Variants in NUDCD2 observed in about 807,000 individuals in gnomAD.
NUDCD2 encodes the protein NudC domain containing 2.
Under a neutral mutation model 20.8 loss-of-function variants are expected in NUDCD2, and 16 were observed. The observed-to-expected ratio is 0.77, with a 90% CI of 0.52 to 1.17. NUDCD2 has a LOEUF of 1.17. Among genes scored for constraint, NUDCD2 ranks in the 50% most tolerant of loss-of-function variants. The pLI, the probability that NUDCD2 is intolerant of heterozygous loss-of-function variation, is 0.00. For synonymous variants in NUDCD2, 87 were observed against 72.8 expected, an observed-to-expected ratio of 1.20 and a Z score of -1.00; for missense variants, 199 against 193.9, an observed-to-expected ratio of 1.03 and a Z score of -0.16.
At chr5:163,458,518 G>T (rs2113430844) in intron 1 of NUDCD2, among the ~76,000 whole-genome samples, 1 of 152,146 alleles carries the variant, frequency 6.6e-6, no homozygotes, top group Admixed American at 6.5e-5. Context: ...TTGACCCCAT[G>T]GGTTTGAGGC....
Position 163,460,000 on chromosome 5 carries a change from C to T in NUDCD2, c.51G>A (p.Pro17=). The T allele has an allele frequency of 2.5e-6, 4 of 1,612,986 alleles. No individual in the cohort carries two copies. Among genetic ancestry groups the T allele is most frequent in the Non-Finnish European group, 3.4e-6 (4 of 1,179,532 alleles). The part of the protein sequence containing the change: ...ERSGVVPCGT[P]WGQWYQTLEE... ...CCAAGGTCTGGTACCACTGGCCCCA[C>T]GGGGTCCCGCACGGTACCACCCCAC... is the stretch of plus-strand genomic sequence containing the variant. The change falls in exon 1 of 4, where the codon CCG becomes CCA. Residue 17 remains proline, a synonymous_variant. Transcript: ENST00000302764.
At chr5:163,455,749 AAAAG>A (rs1758290414) in intron 3 of NUDCD2, among the ~76,000 whole-genome samples, 1 of 152,092 alleles carries the variant, frequency 6.6e-6, no homozygotes, top group African/African-American at 2.4e-5. Context: ...AAAAAAAAAA[AAAAG>A]AACTGCTCTA....
rs1758275424 is a variant in NUDCD2 at position 163,455,351 on chromosome 5, A to C, written c.391-1301T>G. Among the ~76,000 whole-genome samples the C allele has an allele frequency of 5.9e-5, 9 of 152,340 alleles. No homozygotes were observed. The South Asian group carries it at 1.9e-3, about 32-fold the overall frequency. ...GTATGGCAAAAGCAGAATCACTAAG[A>C]GGGATAGCTGTAAGGGAGGAGGTAA... On this transcript the variant is annotated intron_variant, in intron 3 of 3. Coordinates refer to ENST00000302764, the MANE Select transcript of NUDCD2 (RefSeq NM_145266.6).
At position 163,460,096 on chromosome 5, in the gene NUDCD2, C is replaced by G. The variant is rs756069521; in HGVS notation, c.-46G>C. Reference sequence around the variant, plus strand: ...CGGCCGCACCAGGCGGAGCCGAGCGCACGCGCGGAATCCCACGCTTAGGCT... The same window carrying G: ...CGGCCGCACCAGGCGGAGCCGAGCGGACGCGCGGAATCCCACGCTTAGGCT... On this transcript the variant is annotated 5_prime_UTR_variant, in exon 1 of 4. Transcript: ENST00000302764. The G allele has an allele frequency of 4.0e-6, 6 of 1,493,862 alleles. No homozygotes were observed. Among genetic ancestry groups the G allele is most frequent in the Non-Finnish European group, 5.4e-6 (6 of 1,120,200 alleles). 92.5% of individuals were successfully genotyped at this position (1,493,862 alleles called of 1,614,324 possible).
rs939933442 is a variant in NUDCD2 at position 163,452,132 on chromosome 5, A to C, written c.*1835T>G. On this transcript the variant is annotated 3_prime_UTR_variant, in exon 4 of 4. Coordinates refer to ENST00000302764, the MANE Select transcript of NUDCD2 (RefSeq NM_145266.6). ...CTGAAAACGGTTATAAATGTGGAGA[A>C]GGAAAAAATGAAAATGAAGCCCATG... The C allele has an allele frequency of 3.3e-5, 5 of 152,150 alleles. No individual in the cohort carries two copies. The highest frequency in any genetic ancestry group is 7.4e-5 in the Non-Finnish European group (5 of 68,018). 9.4% of individuals were successfully genotyped at this position (152,150 alleles called of 1,614,324 possible).
Position 163,449,895 on chromosome 5 carries a change from C to T in NUDCD2, c.*4072G>A, listed in dbSNP as rs1015666082. The stretch of plus-strand genomic sequence containing the variant: ...ACCTACCTAAATTTCACAGCTTATA[C>T]AAAAATTAACCTAAAATGGATCACG... On this transcript the variant is annotated 3_prime_UTR_variant, in exon 4 of 4. Transcript: ENST00000302764. 6.6e-5 allele frequency: 10 copies of T among 152,084 alleles called. No homozygotes were observed. The highest frequency in any genetic ancestry group is 2.4e-4 in the African/African-American group (10 of 41,404). 9.4% of individuals were successfully genotyped at this position (152,084 alleles called of 1,614,324 possible).
At chr5:163,457,151 T>G in intron 2 of NUDCD2, 71 bp from the exon 3 acceptor site, 2 of 1,472,404 alleles carry the variant, frequency 1.4e-6, no homozygotes, top group Non-Finnish European at 1.8e-6. Flanking sequence ...TTTTTTTTTT[T>G]TTGAGACAGT....
chr5:163,450,775 T>C lies in NUDCD2; in HGVS notation c.*3192A>G, dbSNP rs1758158360. ...ATGACAGCTCCTCAAATGATTAACATAGTTATCATATAACCTAAAAATTCT... is the reference window on the plus strand; with the variant it reads ...ATGACAGCTCCTCAAATGATTAACACAGTTATCATATAACCTAAAAATTCT... On this transcript the variant is annotated 3_prime_UTR_variant, in exon 4 of 4. Transcript: ENST00000302764. 6.6e-6 allele frequency: 1 copy of C among 152,240 alleles called. No individual in the cohort carries two copies. The highest frequency in any genetic ancestry group is 1.5e-5 in the Non-Finnish European group (1 of 68,032). The allele number at this position is 152,240 out of a possible 1,614,324, so 9.4% of individuals were successfully genotyped here.
rs372744392 is a variant in NUDCD2 at position 163,457,661 on chromosome 5, A to G, written c.190-51T>C. On this transcript the variant is annotated intron_variant, in intron 1 of 3. Coordinates refer to ENST00000302764, the MANE Select transcript of NUDCD2 (RefSeq NM_145266.6). ...AAAAATACAGAATTTAATTTTTATA[A>G]AGTTTTCATGATTAAGATTTACCTA... 34 of 1,166,864 alleles carry G rather than the reference A, an allele frequency of 2.9e-5. No individual in the cohort carries two copies. In the African/African-American group the frequency reaches 4.9e-4, roughly 17 times the overall value. 72.3% of individuals were successfully genotyped at this position (1,166,864 alleles called of 1,614,324 possible). A position where few individuals can be genotyped will look rare whatever the true frequency, so the allele number is the denominator to read the frequency against.
In NUDCD2 at chr5:163,453,646, C is replaced by T; in HGVS notation, c.*321G>A. On this transcript the variant is annotated 3_prime_UTR_variant, in exon 4 of 4. Transcript: ENST00000302764. ...AAAGTTAATTTTCCCCAAAGGCACC[C>T]TTCATTTCACATGATCTATACTCTA... 1 of 175,346 alleles carries T rather than the reference C, an allele frequency of 5.7e-6. No individual in the cohort carries two copies. 10.9% of individuals were successfully genotyped at this position (175,346 alleles called of 1,614,324 possible).
intron 2 of NUDCD2, 58 bp downstream of exon 2, chr5:163,457,504 G>C (rs1758353381): frequency 9.9e-7 from 1 of 1,010,902 alleles, no homozygotes; most frequent in East Asian, 2.4e-5. Flanking sequence ...ATACAAAAGA[G>C]GAAAAGATAT....
intron 3 of NUDCD2, among the ~76,000 whole-genome samples, chr5:163,454,336 TTTTA>T (rs1360936909): frequency 6.6e-6 from 1 of 152,140 alleles, no homozygotes; most frequent in Non-Finnish European, 1.5e-5. Flanking sequence ...AGCATTTTTA[TTTTA>T]TTTATTATTA....
At position 163,453,109 on chromosome 5, in the gene NUDCD2, A is replaced by G. The variant is rs371869631; in HGVS notation, c.*858T>C. 3 of 152,256 alleles carry G rather than the reference A, an allele frequency of 2.0e-5. No individual in the cohort carries two copies. Among genetic ancestry groups the G allele is most frequent in the Admixed American group, 2.0e-4 (3 of 15,286 alleles). The allele number at this position is 152,256 out of a possible 1,614,324, so 9.4% of individuals were successfully genotyped here. A position where few individuals can be genotyped will look rare whatever the true frequency, so the allele number is the denominator to read the frequency against. On this transcript the variant is annotated 3_prime_UTR_variant, in exon 4 of 4. Transcript: ENST00000302764. Reference sequence around the variant, plus strand: ...GTAATGAGGAATCATGTCTTCAACTAAATCACAAATGGTTCAGAAAGAAAA... The same window carrying G: ...GTAATGAGGAATCATGTCTTCAACTGAATCACAAATGGTTCAGAAAGAAAA...
intron 3 of NUDCD2, 109 bp downstream of exon 3, chr5:163,456,820 G>T: frequency 2.3e-6 from 2 of 884,742 alleles, no homozygotes; most frequent in Non-Finnish European, 3.1e-6. Flanking sequence ...AATTCTTCTA[G>T]AAAATGTTTG....
chr5:163,458,895 AAT>A (rs1478007415), intron 1 of NUDCD2: 30 of 152,364 alleles, frequency 2.0e-4, no homozygotes, highest in African/African-American at 7.0e-4. Flanking sequence ...AAGCTGACAT[AAT>A]GTCTTTCACA....
intron 2 of NUDCD2, 56 bp downstream of exon 2, chr5:163,457,505 GA>G: frequency 9.8e-7 from 1 of 1,024,920 alleles, no homozygotes. Context: ...TACAAAAGAG[GA>G]AAAGATATCA....
In NUDCD2 at chr5:163,456,993, G is replaced by A. The variant is rs368381995; in HGVS notation, c.326C>T (p.Ala109Val). Residue 109 changes from alanine (A) to valine (V), a missense_variant, in exon 3 of 4, where the codon GCA becomes GTA. Physicochemically the swap from Ala to Val is moderately conservative, Grantham distance 64 (BLOSUM62 0). Coordinates refer to ENST00000302764, the MANE Select transcript of NUDCD2 (RefSeq NM_145266.6). ...CWTSLLESEY[A>V]ADPWVQDQMQ... ...TTGGTCTTGCACCCAAGGATCCGCT[G>A]CATATTCAGATTCTAGTAGAGAAGT... The A allele has an allele frequency of 3.1e-6, 5 of 1,612,942 alleles. No homozygotes were observed. The African/African-American group carries it at 6.7e-5, about 22-fold the overall frequency.
chr5:163,455,229 A>C (rs1318896529), intron 3 of NUDCD2, among the ~76,000 whole-genome samples: 1 of 152,224 alleles, frequency 6.6e-6, no homozygotes, highest in East Asian at 1.9e-4. Context: ...AATGATATGA[A>C]AACATAAAAG....
intron 1 of NUDCD2, 82 bp downstream of exon 1, chr5:163,459,780 G>C: frequency 1.6e-6 from 2 of 1,278,084 alleles, no homozygotes; most frequent in South Asian, 2.8e-5. Flanking sequence ...GAGCCGTCGG[G>C]ACACCCAACA....
Sources: gnomAD v4.1 joint callset for allele counts (sites outside exome capture counted in the v4.1 genomes callset) on GRCh38, gnomAD v4.1.1 for gene constraint, MANE v1.5 for transcripts, NCBI Gene and HGNC (gene_info 2026-07-23, HGNC 2026-07-21) for gene names.